Variants in EPCIP observed in about 807,000 individuals in gnomAD.
The protein encoded by EPCIP is exosomal polycystin-1-interacting protein.
the EPCIP span, among the ~76,000 whole-genome samples, chr21:32,808,796 A>G: frequency 1.3e-5 from 2 of 152,228 alleles, no homozygotes; most frequent in Non-Finnish European, 2.9e-5. Flanking sequence ...TGTTAACTCT[A>G]TATAAGAACT....
At chr21:32,794,883 A>C in the EPCIP span, among the ~76,000 whole-genome samples, 2 of 152,206 alleles carry the variant, frequency 1.3e-5, no homozygotes, top group South Asian at 2.1e-4. Context: ...TGAAGCGCCC[A>C]AAAACCCCTG....
chr21:32,804,191 C>G, the EPCIP span, among the ~76,000 whole-genome samples: 1 of 151,492 alleles, frequency 6.6e-6, no homozygotes, highest in Non-Finnish European at 1.5e-5. Context: ...AGTCGGAGAA[C>G]CTGTCTGAGT....
the EPCIP span, among the ~76,000 whole-genome samples, chr21:32,807,334 C>CT: frequency 0.058 from 7,565 of 129,892 alleles, 336 homozygotes; most frequent in Middle Eastern, 0.073. Flanking sequence ...CCTCTTATGC[C>CT]TTTTTTTTTT....
chr21:32,800,259 T>C, the EPCIP span, among the ~76,000 whole-genome samples: 1 of 152,208 alleles, frequency 6.6e-6, no homozygotes, highest in Admixed American at 6.5e-5. Context: ...AGTATAAACA[T>C]TATCTAAATG....
At chr21:32,794,427 C>A in the EPCIP span, 2 of 1,609,084 alleles carry the variant, frequency 1.2e-6, no homozygotes, top group Non-Finnish European at 1.7e-6. Flanking sequence ...GCCATGCTTG[C>A]CCAGCATGGG....
At chr21:32,804,275 T>TTATATATATATATATATATATATATATA in the EPCIP span, among the ~76,000 whole-genome samples, 3 of 140,952 alleles carry the variant, frequency 2.1e-5, no homozygotes, top group African/African-American at 8.0e-5. Context: ...ATGCATGTGA[T>TTATATATATATATATATATATATATATA]TATATATATA....
At chr21:32,799,809 G>T in the EPCIP span, among the ~76,000 whole-genome samples, 108,856 of 151,932 alleles carry the variant, frequency 0.72, 39,845 homozygotes, top group East Asian at 0.91. Flanking sequence ...AGGTGTGGTG[G>T]TGCACACCTA....
the EPCIP span, among the ~76,000 whole-genome samples, chr21:32,813,109 T>C: frequency 6.6e-6 from 1 of 152,098 alleles, no homozygotes; most frequent in Admixed American, 6.5e-5. Context: ...TCAGCCGGTG[T>C]TTTGGGAGTT....
chr21:32,801,099 C>G, the EPCIP span, among the ~76,000 whole-genome samples: 2 of 152,156 alleles, frequency 1.3e-5, no homozygotes, highest in African/African-American at 4.8e-5. Flanking sequence ...AAGGAACCGA[C>G]GGCCCTAGAA....
the EPCIP span, chr21:32,798,800 C>A: frequency 4.6e-5 from 7 of 152,052 alleles, no homozygotes; most frequent in African/African-American, 1.7e-4. Flanking sequence ...CCTGTCTCTA[C>A]CAAAAATACA....
the EPCIP span, among the ~76,000 whole-genome samples, chr21:32,808,292 T>C: frequency 6.8e-6 from 1 of 147,386 alleles, no homozygotes; most frequent in Admixed American, 6.7e-5. Flanking sequence ...TGCTAGGAGA[T>C]GAGAGAAAAA....
At chr21:32,793,101 G>A in the EPCIP span, among the ~76,000 whole-genome samples, 2 of 151,910 alleles carry the variant, frequency 1.3e-5, no homozygotes, top group African/African-American at 4.8e-5. Context: ...GGGATTACAG[G>A]CATGTGCCAC....
At chr21:32,801,437 T>C in the EPCIP span, among the ~76,000 whole-genome samples, 1 of 152,282 alleles carries the variant, frequency 6.6e-6, no homozygotes, top group Non-Finnish European at 1.5e-5. Flanking sequence ...GAAGAAGATA[T>C]CATCCATGCC....
chr21:32,794,400 A>G, the EPCIP span: 1 of 1,612,842 alleles, frequency 6.2e-7, no homozygotes, highest in South Asian at 1.1e-5. Flanking sequence ...AGAAGAAGAC[A>G]GTGCCTGGAA....
the EPCIP span, among the ~76,000 whole-genome samples, chr21:32,812,525 T>C: frequency 1.3e-5 from 2 of 152,190 alleles, no homozygotes; most frequent in Admixed American, 6.5e-5. Flanking sequence ...ATAAATACTT[T>C]ATTGAAACTG....
the EPCIP span, among the ~76,000 whole-genome samples, chr21:32,804,902 A>G: frequency 6.6e-6 from 1 of 152,168 alleles, no homozygotes; most frequent in African/African-American, 2.4e-5. Flanking sequence ...TGATCAAAAC[A>G]CTTTATTTCT....
the EPCIP span, among the ~76,000 whole-genome samples, chr21:32,800,519 T>G: frequency 6.6e-6 from 1 of 152,198 alleles, no homozygotes; most frequent in African/African-American, 2.4e-5. Context: ...CTCAAATATT[T>G]AATAAGTAAG....
chr21:32,805,568 G>A, the EPCIP span, among the ~76,000 whole-genome samples: 1 of 151,982 alleles, frequency 6.6e-6, no homozygotes, highest in African/African-American at 2.4e-5. Flanking sequence ...CACCATGTTG[G>A]CCAGGCTGGT....
At chr21:32,794,831 G>C in the EPCIP span, among the ~76,000 whole-genome samples, 1 of 152,180 alleles carries the variant, frequency 6.6e-6, no homozygotes. Context: ...GCAGGGATTT[G>C]GAGTTGAAAG....
Sources: allele counts gnomAD v4.1 joint callset (sites outside exome capture counted in the v4.1 genomes callset), GRCh38; gene constraint gnomAD v4.1.1; transcripts MANE v1.5; gene names NCBI Gene and HGNC (gene_info 2026-07-23, HGNC 2026-07-21).